Variants in RPS6KC1 observed in about 807,000 individuals in gnomAD.
RPS6KC1 encodes the protein ribosomal protein S6 kinase C1.
RPS6KC1 carries 54 observed loss-of-function variants against 103.8 expected under a neutral mutation model. That is an observed-to-expected ratio of 0.52 (90% confidence interval 0.42 to 0.65). The LOEUF is 0.65. Ranked by LOEUF, RPS6KC1 falls within the 30% of genes least tolerant of loss-of-function variation. RPS6KC1 has a pLI of 0.00. For missense variants in RPS6KC1, 1,151 were observed against 1,253.8 expected, an observed-to-expected ratio of 0.92 and a Z score of 1.24; for synonymous variants, 439 against 438.7, an observed-to-expected ratio of 1.00 and a Z score of -0.01.
At chr1:213,110,041 T>C (rs747498897) in intron 4 of RPS6KC1, among the ~76,000 whole-genome samples, 2 of 152,212 alleles carry the variant, frequency 1.3e-5, no homozygotes, top group Non-Finnish European at 2.9e-5. Flanking sequence ...ATGGCTGTTA[T>C]GAAAAATGCT....
At chr1:213,063,241 A>AAGGGTT (rs1336081554) in intron 1 of RPS6KC1, among the ~76,000 whole-genome samples, 1 of 152,236 alleles carries the variant, frequency 6.6e-6, no homozygotes, top group African/African-American at 2.4e-5. Flanking sequence ...CCTAACTGTA[A>AAGGGTT]TGCCTATAGG....
chr1:213,445,893 T>C, the RPS6KC1 span, among the ~76,000 whole-genome samples: 252 of 152,250 alleles, frequency 1.7e-3, no homozygotes, highest in African/African-American at 5.9e-3. Flanking sequence ...GGAGGTGTTA[T>C]CTCCATTCTA....
At chr1:213,732,354 C>CATGTGTGT in the RPS6KC1 span, among the ~76,000 whole-genome samples, 9 of 150,202 alleles carry the variant, frequency 6.0e-5, no homozygotes, top group Non-Finnish European at 1.0e-4. Context: ...TATGAGTGTG[C>CATGTGTGT]GTGTGCGTGT....
chr1:213,300,653 C>T, the RPS6KC1 span, among the ~76,000 whole-genome samples: 4 of 152,126 alleles, frequency 2.6e-5, no homozygotes, highest in African/African-American at 7.2e-5. Flanking sequence ...GGGGCCAGGT[C>T]GTCTTGCTGG....
chr1:213,156,325 G>A (rs567703843), intron 6 of RPS6KC1, among the ~76,000 whole-genome samples: 35 of 152,120 alleles, frequency 2.3e-4, no homozygotes, highest in African/African-American at 8.4e-4. Flanking sequence ...TGAGATAAAA[G>A]TATTTTTAAA....
At chr1:213,099,196 G>A (rs1003885764) in intron 3 of RPS6KC1, among the ~76,000 whole-genome samples, 6 of 152,218 alleles carry the variant, frequency 3.9e-5, no homozygotes, top group Admixed American at 3.3e-4. Flanking sequence ...TTCAAATTAG[G>A]TTGTCTTTAT....
chr1:213,158,019 AT>A (rs1491016617), intron 6 of RPS6KC1, among the ~76,000 whole-genome samples: 1 of 151,818 alleles, frequency 6.6e-6, no homozygotes, highest in Admixed American at 6.6e-5. Flanking sequence ...GTATGTTTCC[AT>A]TTTTTTATTT....
chr1:213,407,244 ACACG>A, the RPS6KC1 span, among the ~76,000 whole-genome samples: 8 of 145,054 alleles, frequency 5.5e-5, no homozygotes, highest in Admixed American at 2.1e-4. Context: ...ACACACACAC[ACACG>A]CAGAGAGAGA....
chr1:213,055,198 T>A (rs2077235293), intron 1 of RPS6KC1, among the ~76,000 whole-genome samples: 1 of 152,214 alleles, frequency 6.6e-6, no homozygotes, highest in Non-Finnish European at 1.5e-5. Flanking sequence ...AGTTCCCTCA[T>A]GTTCCTTTGC....
chr1:213,148,822 A>G (rs2088216555), intron 6 of RPS6KC1, among the ~76,000 whole-genome samples: 1 of 151,978 alleles, frequency 6.6e-6, no homozygotes, highest in Non-Finnish European at 1.5e-5. Context: ...TTCTTTACTT[A>G]GAGATTTTTT....
At chr1:213,374,255 G>T in the RPS6KC1 span, among the ~76,000 whole-genome samples, 1 of 152,144 alleles carries the variant, frequency 6.6e-6, no homozygotes, top group Non-Finnish European at 1.5e-5. Flanking sequence ...AATAAATCTG[G>T]ATCAGTGAGA....
At chr1:213,306,436 A>C in the RPS6KC1 span, among the ~76,000 whole-genome samples, 1 of 152,256 alleles carries the variant, frequency 6.6e-6, no homozygotes, top group African/African-American at 2.4e-5. Flanking sequence ...GAATGATGAG[A>C]GCATCCATTA....
chr1:213,448,981 A>G, the RPS6KC1 span, among the ~76,000 whole-genome samples: 1 of 152,144 alleles, frequency 6.6e-6, no homozygotes, highest in Admixed American at 6.5e-5. Context: ...AGTCTTGGTG[A>G]TTGGATGATA....
the RPS6KC1 span, among the ~76,000 whole-genome samples, chr1:213,439,878 A>AGT: frequency 6.6e-6 from 1 of 152,050 alleles, no homozygotes; most frequent in African/African-American, 2.4e-5. Context: ...AGAGAGAGAG[A>AGT]GAGAGCGAAA....
intron 5 of RPS6KC1, among the ~76,000 whole-genome samples, chr1:213,126,148 C>T (rs2084970126): frequency 6.6e-6 from 1 of 151,876 alleles, no homozygotes; most frequent in Non-Finnish European, 1.5e-5. Flanking sequence ...TATATATTGG[C>T]ATCATTTAAG....
chr1:213,106,076 C>T (rs987505190), intron 4 of RPS6KC1, among the ~76,000 whole-genome samples: 1 of 152,152 alleles, frequency 6.6e-6, no homozygotes, highest in African/African-American at 2.4e-5. Context: ...ATGAGACTGT[C>T]ATTTTCAGAG....
At chr1:213,282,980 G>T in the RPS6KC1 span, among the ~76,000 whole-genome samples, 4 of 152,136 alleles carry the variant, frequency 2.6e-5, no homozygotes, top group Non-Finnish European at 5.9e-5. Flanking sequence ...ATTCCAGTTG[G>T]CATGGCCAGC....
At position 213,242,124 on chromosome 1, in the gene RPS6KC1, A is replaced by G. The variant is rs750438195; in HGVS notation, c.2648A>G (p.His883Arg). ...GTGCTAGAAGGAGACAAGGAAATAC[A>G]TCAGATTTTTGAGGACCTTGATAAA... ...GLVLEGDKEI[H>R]QIFEDLDKKL... is the part of the protein sequence containing the mutation. Residue 883 changes from histidine (H) to arginine (R), a missense_variant, in exon 11 of 15, where the codon CAT becomes CGT. This residue lies in a region of RPS6KC1 where 189 missense variants were observed against 228.8 expected (regional missense o/e 0.83). Coordinates refer to ENST00000366960, the MANE Select transcript of RPS6KC1 (RefSeq NM_012424.6). 6 of 1,613,818 alleles carry G rather than the reference A, an allele frequency of 3.7e-6. 1 individual carries two copies. In the South Asian group the frequency reaches 5.5e-5, roughly 15 times the overall value.
chr1:213,809,515 TA>T, the RPS6KC1 span, among the ~76,000 whole-genome samples: 2 of 152,010 alleles, frequency 1.3e-5, no homozygotes, highest in East Asian at 3.8e-4. Flanking sequence ...CTTAAATTGA[TA>T]AAAAATGCAA....
Sources: gnomAD v4.1 joint callset for allele counts (sites outside exome capture counted in the v4.1 genomes callset) on GRCh38, gnomAD v4.1.1 for gene constraint, gnomAD v4.1.1 regional missense constraint, MANE v1.5 for transcripts, NCBI Gene and HGNC (gene_info 2026-07-23, HGNC 2026-07-21) for gene names.